Variants in TSEN2 observed in about 807,000 individuals in gnomAD.
TSEN2 encodes the protein tRNA splicing endonuclease subunit 2.
Under a neutral mutation model 59.2 loss-of-function variants are expected in TSEN2, and 54 were observed. The observed-to-expected ratio is 0.91, with a 90% CI of 0.73 to 1.14. TSEN2 has a LOEUF of 1.14. Ranked by LOEUF, TSEN2 falls within the 50% of genes most tolerant of loss-of-function variation. TSEN2 has a pLI of 0.00. For missense variants in TSEN2, 636 were observed against 576.2 expected (o/e 1.10, Z -1.06); for synonymous variants, 195 against 198.2 (o/e 0.98, Z 0.14).
At chr3:12,523,620 A>G (rs546365298) in intron 8 of TSEN2, among the ~76,000 whole-genome samples, 198 of 144,532 alleles carry the variant, frequency 1.4e-3, no homozygotes, top group African/African-American at 4.8e-3. Context: ...GCTCACTACA[A>G]CCTCTGCCTC....
At chr3:12,505,402 A>G (rs1001980134) in intron 6 of TSEN2, 171 bp downstream of exon 6, 1 of 627,234 alleles carries the variant, frequency 1.6e-6, no homozygotes, top group African/African-American at 1.8e-5. Flanking sequence ...TTCACTCCTC[A>G]GCCTTTATTT....
At chr3:12,530,680 G>A (rs1027257564) in intron 10 of TSEN2, 1 of 985,298 alleles carries the variant, frequency 1.0e-6, no homozygotes, top group African/African-American at 1.7e-5. Context: ...CTAGGCTTTA[G>A]CTTGGTCCTA....
intron 1 of TSEN2, among the ~76,000 whole-genome samples, chr3:12,489,182 C>T (rs2052959188): frequency 6.6e-6 from 1 of 152,120 alleles, no homozygotes; most frequent in Non-Finnish European, 1.5e-5. Flanking sequence ...AGAGTCCCTG[C>T]TTGAAGCCAG....
intron 6 of TSEN2, among the ~76,000 whole-genome samples, chr3:12,505,992 A>T (rs1276723550): frequency 2.0e-5 from 3 of 152,118 alleles, no homozygotes; most frequent in Non-Finnish European, 4.4e-5. Context: ...AAAAGATTTC[A>T]GATTGTTAAC....
At chr3:12,491,035 G>A (rs1166525078) in intron 2 of TSEN2, among the ~76,000 whole-genome samples, 1 of 152,156 alleles carries the variant, frequency 6.6e-6, no homozygotes, top group Non-Finnish European at 1.5e-5. Flanking sequence ...CTGTCACCCA[G>A]ACTAGGGTGC....
In TSEN2 at chr3:12,489,940, A is replaced by G. The variant is rs374379274; in HGVS notation, c.140A>G (p.Asn47Ser). 6.2e-6 allele frequency: 10 copies of G among 1,614,072 alleles called. No homozygotes were observed. Among genetic ancestry groups the G allele is most frequent in the South Asian group, 1.1e-5 (1 of 91,088 alleles). ...ATATTCCGTGCTGAAATGATTAACA[A>G]CAATGTGATTGTGAGGAATGCGGAG... ...FKIFRAEMIN[N>S]NVIVRNAEDI... The change falls in exon 2 of 12, where the codon AAC becomes AGC. Residue 47 changes from asparagine (N) to serine (S), a missense_variant. Physicochemically the swap from Asn to Ser is conservative, Grantham distance 46. Transcript: ENST00000284995.
rs1282683559 is a variant in TSEN2 at position 12,533,524 on chromosome 3, G to A, written c.*803G>A. 6.6e-6 allele frequency: 1 copy of A among 152,240 alleles called. No homozygotes were observed. Among genetic ancestry groups the A allele is most frequent in the Admixed American group, 6.5e-5 (1 of 15,274 alleles). The allele number at this position is 152,240 out of a possible 1,614,324, so 9.4% of individuals were successfully genotyped here. ...TACTAACAAAAATTATCCAAGCATT[G>A]TAGCACATGCCTGTAATTCCAGCTG... is the stretch of plus-strand genomic sequence containing the variant. On this transcript the variant is annotated 3_prime_UTR_variant, in exon 12 of 12. Coordinates refer to ENST00000284995, the MANE Select transcript of TSEN2 (RefSeq NM_025265.4).
chr3:12,480,287 C>A (rs1397936392), upstream of TSEN2, among the ~76,000 whole-genome samples: 1 of 152,136 alleles, frequency 6.6e-6, no homozygotes, highest in African/African-American at 2.4e-5. Flanking sequence ...GGAACCAAGG[C>A]CCATTCCAGC....
chr3:12,527,566 C>T (rs904047625), intron 8 of TSEN2, among the ~76,000 whole-genome samples: 2 of 150,896 alleles, frequency 1.3e-5, no homozygotes, highest in African/African-American at 2.4e-5. Context: ...CTTTTCTGAG[C>T]TGGTTTTAGC....
chr3:12,505,818 T>C (rs886942657), intron 6 of TSEN2, among the ~76,000 whole-genome samples: 4 of 147,424 alleles, frequency 2.7e-5, no homozygotes, highest in Non-Finnish European at 5.9e-5. Context: ...TTTATGTTGA[T>C]GGCTAGGTGT....
At chr3:12,490,727 G>A (rs1250175809) in intron 2 of TSEN2, among the ~76,000 whole-genome samples, 1 of 152,120 alleles carries the variant, frequency 6.6e-6, no homozygotes, top group African/African-American at 2.4e-5. Context: ...TCACCACAGA[G>A]TTCCCTTGTG....
Position 12,489,762 on chromosome 3 carries a change from G to C in TSEN2, c.-17-22G>C, listed in dbSNP as rs754526225. 1.9e-6 allele frequency: 3 copies of C among 1,599,460 alleles called. No homozygotes were observed. The South Asian group carries it at 3.3e-5, about 18-fold the overall frequency. On this transcript the variant is annotated intron_variant, in intron 1 of 11. Coordinates refer to ENST00000284995, the MANE Select transcript of TSEN2 (RefSeq NM_025265.4). ...AGTTATTGATTGTCTGTTTCTTTCTGTTTGTTGTCTACTCTTTAAAGAATA... is the reference window on the plus strand; with the variant it reads ...AGTTATTGATTGTCTGTTTCTTTCTCTTTGTTGTCTACTCTTTAAAGAATA...
At chr3:12,513,594 A>T (rs751813130) in intron 6 of TSEN2, among the ~76,000 whole-genome samples, 1 of 152,252 alleles carries the variant, frequency 6.6e-6, no homozygotes, top group Admixed American at 6.5e-5. Flanking sequence ...CTAGCTAACA[A>T]TGACAATTTG....
At position 12,489,589 on chromosome 3, in the gene TSEN2, A is replaced by G. The variant is rs1459799462; in HGVS notation, c.-17-195A>G. ...GGGGTTTATTGTGGGGATTAATTGC[A>G]GTATTCTAGGTCAATATGATTTACA... On this transcript the variant is annotated intron_variant, in intron 1 of 11. Transcript: ENST00000284995. 4.6e-5 allele frequency among the ~76,000 whole-genome samples: 7 copies of G among 152,182 alleles called. No individual in the cohort carries two copies. In the East Asian group the frequency reaches 1.3e-3, roughly 29 times the overall value.
chr3:12,536,280 A>G (rs2125276180), downstream of TSEN2, among the ~76,000 whole-genome samples: 1 of 152,240 alleles, frequency 6.6e-6, no homozygotes, highest in Admixed American at 6.5e-5. Context: ...TTTTTTAGTA[A>G]TGGTAGGTTT....
downstream of TSEN2, among the ~76,000 whole-genome samples, chr3:12,537,901 A>G (rs2057713721): frequency 6.6e-6 from 1 of 152,214 alleles, no homozygotes; most frequent in African/African-American, 2.4e-5. Context: ...ATAATGAGTA[A>G]AGAATTAGAC....
intron 8 of TSEN2, among the ~76,000 whole-genome samples, chr3:12,528,069 A>G (rs1243859572): frequency 6.6e-6 from 1 of 152,184 alleles, no homozygotes; most frequent in East Asian, 1.9e-4. Flanking sequence ...CTTGAATGGC[A>G]TGTATGGTTA....
At chr3:12,491,896 T>A (rs1286927495) in intron 2 of TSEN2, among the ~76,000 whole-genome samples, 1 of 152,244 alleles carries the variant, frequency 6.6e-6, no homozygotes, top group Non-Finnish European at 1.5e-5. Flanking sequence ...AGCATTTGCA[T>A]TGCATTAGGT....
intron 8 of TSEN2, among the ~76,000 whole-genome samples, chr3:12,524,365 C>A (rs747816397): frequency 5.5e-4 from 83 of 152,286 alleles, no homozygotes; most frequent in Admixed American, 1.4e-3. Context: ...GTTCTAGGGG[C>A]CAGAAGTCTA....
Sources: gnomAD v4.1 joint callset for allele counts (sites outside exome capture counted in the v4.1 genomes callset) on GRCh38, gnomAD v4.1.1 for gene constraint, MANE v1.5 for transcripts, NCBI Gene and HGNC (gene_info 2026-07-23, HGNC 2026-07-21) for gene names.